CD2AP: variants seen among roughly 807,000 people sequenced by gnomAD.
CD2AP encodes CD2 associated protein.
CD2AP carries 46 observed loss-of-function variants against 85.1 expected under a neutral mutation model. That is an observed-to-expected ratio of 0.54 (90% confidence interval 0.43 to 0.69). The LOEUF (loss-of-function observed/expected upper bound fraction) is 0.69. Among genes scored for constraint, CD2AP ranks in the 30% least tolerant of loss-of-function variants. The probability of loss-of-function intolerance (pLI) is 0.00; values close to 1 mark genes in which losing one functional copy is unlikely to be tolerated. For missense variants in CD2AP, 769 were observed against 729.5 expected (o/e 1.05, Z -0.62); for synonymous variants, 255 against 252.9 (o/e 1.01, Z -0.08).
chr6:47,479,472 C>T (rs984250499), intron 1 of CD2AP, among the ~76,000 whole-genome samples: 1 of 152,168 alleles, frequency 6.6e-6, no homozygotes, highest in African/African-American at 2.4e-5. Context: ...TCTCCACCTC[C>T]CTCCTTTCAG....
At chr6:47,617,287 T>C (rs1582630711) in intron 17 of CD2AP, among the ~76,000 whole-genome samples, 1 of 152,278 alleles carries the variant, frequency 6.6e-6, no homozygotes, top group Middle Eastern at 3.4e-3. Context: ...CCTTGTAACC[T>C]AAATGTAAAT....
At chr6:47,524,386 C>G (rs1352027) in intron 2 of CD2AP, among the ~76,000 whole-genome samples, 93,038 of 151,916 alleles carry the variant, frequency 0.61, 29,227 homozygotes, top group Middle Eastern at 0.74. Context: ...ATGTAAGCCT[C>G]ATGTTTTTTC....
At position 47,606,256 on chromosome 6, in the gene CD2AP, C is replaced by T. The variant is rs745555788; in HGVS notation, c.1509C>T (p.Gly503=). The T allele has an allele frequency of 6.2e-7, 1 of 1,602,966 alleles. No individual in the cohort carries two copies. The highest frequency in any genetic ancestry group is 1.7e-5 in the Admixed American group (1 of 59,904). ...RPKMPGRRLP[G]RFNGGHSPTH... is the part of the protein sequence containing the mutation. ...AGATGCCTGGAAGAAGGTTGCCGGG[C>T]CGTTTCAATGGTGGACATTCTGTGA... Residue 503 remains glycine (G), a synonymous_variant, in exon 14 of 18, where the codon GGC becomes GGT. Transcript: ENST00000359314.
intron 5 of CD2AP, among the ~76,000 whole-genome samples, chr6:47,567,029 A>T (rs1292780081): frequency 6.6e-6 from 1 of 151,730 alleles, no homozygotes; most frequent in African/African-American, 2.4e-5. Flanking sequence ...AACTCCTGAG[A>T]TTATTTAACT....
intron 15 of CD2AP, among the ~76,000 whole-genome samples, chr6:47,608,684 G>A (rs538943342): frequency 6.6e-6 from 1 of 152,250 alleles, no homozygotes; most frequent in Non-Finnish European, 1.5e-5. Flanking sequence ...GTTAAGGGGT[G>A]TCAGGCTATG....
At chr6:47,571,373 C>G (rs1391076112) in intron 5 of CD2AP, among the ~76,000 whole-genome samples, 1 of 151,992 alleles carries the variant, frequency 6.6e-6, no homozygotes, top group African/African-American at 2.4e-5. Context: ...ACTGGTATTC[C>G]TGAGAAAAGG....
At chr6:47,570,289 G>A (rs1768113881) in intron 5 of CD2AP, among the ~76,000 whole-genome samples, 1 of 152,076 alleles carries the variant, frequency 6.6e-6, no homozygotes, top group Non-Finnish European at 1.5e-5. Flanking sequence ...GAGATTTAAT[G>A]AAGAAGGAGG....
intron 17 of CD2AP, among the ~76,000 whole-genome samples, chr6:47,617,536 G>C (rs1252716926): frequency 6.6e-6 from 1 of 152,052 alleles, no homozygotes; most frequent in African/African-American, 2.4e-5. Flanking sequence ...TTGATTTCCT[G>C]TTGCTGTTGA....
intron 2 of CD2AP, among the ~76,000 whole-genome samples, chr6:47,514,364 A>G (rs1295298202): frequency 6.6e-6 from 1 of 152,214 alleles, no homozygotes; most frequent in Non-Finnish European, 1.5e-5. Flanking sequence ...GTAAGCTAAA[A>G]CTGAGGAGAA....
intron 1 of CD2AP, among the ~76,000 whole-genome samples, chr6:47,486,098 A>G (rs926506279): frequency 6.6e-6 from 1 of 152,216 alleles, no homozygotes; most frequent in Non-Finnish European, 1.5e-5. Context: ...TCATCAAGCA[A>G]AGAAGCTGCT....
At chr6:47,478,379 T>A in intron 1 of CD2AP, 131 bp downstream of exon 1, 1 of 1,039,070 alleles carries the variant, frequency 9.6e-7, no homozygotes, top group Admixed American at 2.0e-5. Context: ...CTCTCCATTC[T>A]CCCCACCGCC....
At chr6:47,569,312 A>T (rs969200028) in intron 5 of CD2AP, among the ~76,000 whole-genome samples, 1 of 152,126 alleles carries the variant, frequency 6.6e-6, no homozygotes, top group Non-Finnish European at 1.5e-5. Context: ...TGCGTTTCAC[A>T]TTATGGCTAT....
chr6:47,601,214 CT>C, intron 13 of CD2AP, among the ~76,000 whole-genome samples: 1 of 151,898 alleles, frequency 6.6e-6, no homozygotes, highest in Admixed American at 6.6e-5. Flanking sequence ...CTATTTCTAT[CT>C]TTTATACATA....
At chr6:47,593,268 TTA>T (rs1219144046) in intron 11 of CD2AP, among the ~76,000 whole-genome samples, 1 of 152,074 alleles carries the variant, frequency 6.6e-6, no homozygotes, top group African/African-American at 2.4e-5. Flanking sequence ...AATTAAAAAC[TTA>T]TATGCATTAA....
chr6:47,587,513 A>G (rs1312447304), intron 11 of CD2AP, among the ~76,000 whole-genome samples: 2 of 152,058 alleles, frequency 1.3e-5, no homozygotes, highest in Non-Finnish European at 2.9e-5. Flanking sequence ...TGTTGTTTTC[A>G]TTTTCCCAGA....
chr6:47,505,627 C>A (rs1164598004), intron 2 of CD2AP, among the ~76,000 whole-genome samples: 3 of 98,902 alleles, frequency 3.0e-5, no homozygotes, highest in Non-Finnish European at 4.4e-5. Flanking sequence ...GGGGGGCTGA[C>A]CCCCCCCACC....
intron 16 of CD2AP, among the ~76,000 whole-genome samples, chr6:47,610,971 ATT>A (rs11331165): frequency 0.029 from 3,289 of 112,858 alleles, 131 homozygotes; most frequent in African/African-American, 0.099. Flanking sequence ...ATATATATGT[ATT>A]TTTTTTTTTT....
chr6:47,576,125 A>G (rs1340649216), intron 6 of CD2AP, among the ~76,000 whole-genome samples: 1 of 152,046 alleles, frequency 6.6e-6, no homozygotes. Flanking sequence ...TCCAGGCTGG[A>G]ATGCAGTGGT....
chr6:47,545,617 G>A (rs1461928075), intron 4 of CD2AP, among the ~76,000 whole-genome samples: 3 of 152,194 alleles, frequency 2.0e-5, no homozygotes, highest in African/African-American at 2.4e-5. Flanking sequence ...CCCGCCCGCT[G>A]GTCCCAACCA....
Sources: allele counts gnomAD v4.1 joint callset (sites outside exome capture counted in the v4.1 genomes callset), GRCh38; gene constraint gnomAD v4.1.1; transcripts MANE v1.5; gene names NCBI Gene and HGNC (gene_info 2026-07-23, HGNC 2026-07-21).